The following JCAD variants were observed in gnomAD, a reference collection of about 807,000 sequenced individuals.
JCAD encodes junctional cadherin 5-associated protein.
JCAD carries 40 observed loss-of-function variants against 98.0 expected under a neutral mutation model. The ratio of observed to expected loss-of-function variants is 0.41; its 90% confidence interval spans 0.32 to 0.53. JCAD has a LOEUF of 0.53. JCAD is among the 20% of genes least tolerant of loss of function. The pLI, the probability that JCAD is intolerant of heterozygous loss-of-function variation, is 0.31. For synonymous variants in JCAD, 691 were observed against 682.3 expected, an observed-to-expected ratio of 1.01 and a Z score of -0.20; for missense variants, 1,705 against 1,738.1, an observed-to-expected ratio of 0.98 and a Z score of 0.34.
chr10:30,071,708 G>A (rs992993137), intron 1 of JCAD, among the ~76,000 whole-genome samples: 1 of 152,078 alleles, frequency 6.6e-6, no homozygotes, highest in Admixed American at 6.6e-5. Context: ...AACCTGGGGG[G>A]CGGAGGTTGC....
chr10:30,020,881 G>A (rs555059701), intron 3 of JCAD, among the ~76,000 whole-genome samples: 100 of 152,312 alleles, frequency 6.6e-4, no homozygotes, highest in African/African-American at 2.3e-3. Flanking sequence ...GGGAGCACCT[G>A]TTATTAAGAT....
chr10:30,078,896 CTTCT>C (rs1838026971), intron 1 of JCAD, among the ~76,000 whole-genome samples: 1 of 152,150 alleles, frequency 6.6e-6, no homozygotes. Flanking sequence ...CCACACTGGT[CTTCT>C]TTGTGTGCCC....
rs1196809018 is a variant in JCAD, at chr10:30,015,788, G to A, written c.*2095C>T. The A allele has an allele frequency of 6.6e-6, 1 of 152,160 alleles. No homozygotes were observed. The highest frequency in any genetic ancestry group is 1.5e-5 in the Non-Finnish European group (1 of 68,032). The allele number at this position is 152,160 out of a possible 1,614,324, so 9.4% of individuals were successfully genotyped here. On this transcript the variant is annotated 3_prime_UTR_variant, in exon 4 of 4. Coordinates refer to ENST00000375377, the MANE Select transcript of JCAD (RefSeq NM_020848.4). ...TGGGTATGTGTGCATACATGTACGA[G>A]TATACATGTGCACGTATATAAATGT...
rs550109985 is a variant in JCAD at position 30,097,608 on chromosome 10, G to A, written n.128+17759C>T. ...ACTAAAAATACAAAATTAGCCAGGC[G>A]TAGTGGTGCACTGTAGTGGGCCTGT... is the stretch of plus-strand genomic sequence containing the variant. On this transcript the variant is annotated intron_variant and non_coding_transcript_variant, in intron 1 of 2. Transcript: ENST00000465712. Among the ~76,000 whole-genome samples the A allele has an allele frequency of 3.4e-3, 510 of 152,092 alleles. 7 individuals carry two copies. Among genetic ancestry groups the A allele is most frequent in the African/African-American group, 0.012 (488 of 41,488 alleles).
chr10:30,083,844 T>C (rs547711466), intron 1 of JCAD, among the ~76,000 whole-genome samples: 19 of 152,068 alleles, frequency 1.2e-4, no homozygotes, highest in South Asian at 1.2e-3. Flanking sequence ...CTGGGCAACA[T>C]AGTGAGACGC....
chr10:30,112,730 G>C (rs1838726205), intron 1 of JCAD, among the ~76,000 whole-genome samples: 1 of 152,042 alleles, frequency 6.6e-6, no homozygotes, highest in Admixed American at 6.5e-5. Flanking sequence ...AAATTAGCCA[G>C]GCGTGGTGGC....
chr10:30,106,425 TAA>T (rs199724499), intron 1 of JCAD, among the ~76,000 whole-genome samples: 2 of 144,644 alleles, frequency 1.4e-5, no homozygotes, highest in Non-Finnish European at 1.5e-5. Flanking sequence ...CCTTGTCTCT[TAA>T]AAAAAAAAAA....
At chr10:30,113,547 T>G (rs1382146969) in intron 1 of JCAD, among the ~76,000 whole-genome samples, 1 of 9,594 alleles carries the variant, frequency 1.0e-4, no homozygotes, top group Non-Finnish European at 1.5e-4. Context: ...CGAGACACTG[T>G]CAAAAAAAAA....
intron 2 of JCAD, among the ~76,000 whole-genome samples, chr10:30,030,255 G>A (rs542509608): frequency 2.6e-5 from 4 of 152,292 alleles, no homozygotes; most frequent in Middle Eastern, 3.4e-3. Context: ...ACCAGCCTGT[G>A]CAACATAGTA....
intron 2 of JCAD, chr10:30,069,614 A>C (rs1315620898): frequency 4.2e-5 from 5 of 119,912 alleles, no homozygotes; most frequent in African/African-American, 1.2e-4. Flanking sequence ...CCCCCCCCCA[A>C]AAAAAAACAC....
chr10:30,087,221 T>A (rs1174739865), intron 1 of JCAD, among the ~76,000 whole-genome samples: 1 of 152,098 alleles, frequency 6.6e-6, no homozygotes, highest in African/African-American at 2.4e-5. Flanking sequence ...GGCGGGCGGA[T>A]CACCTAAGGT....
intron 1 of JCAD, among the ~76,000 whole-genome samples, chr10:30,051,823 G>A (rs968424279): frequency 1.3e-5 from 2 of 152,182 alleles, no homozygotes; most frequent in Non-Finnish European, 2.9e-5. Context: ...TAATTTTCAG[G>A]AGAAGAAGTA....
At chr10:30,103,733 CTT>C (rs3858238) in intron 1 of JCAD, among the ~76,000 whole-genome samples, 10 of 126,738 alleles carry the variant, frequency 7.9e-5, no homozygotes, top group Admixed American at 1.7e-4. Flanking sequence ...GTCAATTTTT[CTT>C]TTTTTTTTTT....
At chr10:30,067,169 CAA>C (rs1382726512) in intron 2 of JCAD, among the ~76,000 whole-genome samples, 32 of 123,120 alleles carry the variant, frequency 2.6e-4, no homozygotes, top group Admixed American at 3.3e-4. Context: ...GACCCTGTCT[CAA>C]AAAAAAAAAA....
intron 1 of JCAD, among the ~76,000 whole-genome samples, chr10:30,055,276 T>C (rs1429553028): frequency 6.6e-6 from 1 of 152,232 alleles, no homozygotes; most frequent in Non-Finnish European, 1.5e-5. Context: ...ATGTAATTGG[T>C]CCCTCAAATT....
intron 1 of JCAD, among the ~76,000 whole-genome samples, chr10:30,088,588 A>G (rs1488746584): frequency 6.6e-6 from 1 of 152,240 alleles, no homozygotes; most frequent in Non-Finnish European, 1.5e-5. Flanking sequence ...ACCCAAAGGC[A>G]GGAACTGGAT....
chr10:30,099,586 A>C (rs1183945963), intron 1 of JCAD, among the ~76,000 whole-genome samples: 3 of 152,064 alleles, frequency 2.0e-5, no homozygotes, highest in Admixed American at 2.0e-4. Flanking sequence ...GATTATATTT[A>C]ACAGGAAGGG....
At chr10:30,101,700 G>A (rs940229810) in intron 1 of JCAD, among the ~76,000 whole-genome samples, 3 of 152,024 alleles carry the variant, frequency 2.0e-5, no homozygotes, top group Non-Finnish European at 2.9e-5. Flanking sequence ...TGGCTGAGAG[G>A]AGGGGTCCAT....
rs764624502 is a variant in JCAD at position 30,047,608 on chromosome 10, A to G, written c.205T>C (p.Ser69Pro). The G allele has an allele frequency of 1.9e-5, 31 of 1,613,962 alleles. No homozygotes were observed. Among genetic ancestry groups the G allele is most frequent in the Admixed American group, 3.3e-5 (2 of 60,002 alleles). The change falls in exon 2 of 4, where the codon TCC becomes CCC. Residue 69 changes from serine (S) to proline (P), a missense_variant. Transcript: ENST00000375377. ...CTCGGTGTGCTGCGGCGGCTTTCGG[A>G]GTCACTCACATGTCCTTTCCCCGCG... ...TSAGKGHVSD[S>P]ESRRSTPRGH...
Sources: allele counts gnomAD v4.1 joint callset (sites outside exome capture counted in the v4.1 genomes callset), GRCh38; gene constraint gnomAD v4.1.1; transcripts MANE v1.5; gene names NCBI Gene and HGNC (gene_info 2026-07-23, HGNC 2026-07-21).